ITGB5: variants seen among roughly 807,000 people sequenced by gnomAD.
The protein encoded by ITGB5 is integrin beta-5.
ITGB5 carries 38 observed loss-of-function variants against 84.8 expected under a neutral mutation model. The ratio of observed to expected loss-of-function variants is 0.45; its 90% CI spans 0.35 to 0.59. The LOEUF is 0.59. Ranked by LOEUF, ITGB5 falls within the 20% of genes least tolerant of loss-of-function variation. ITGB5 has a pLI of 0.01. For missense variants in ITGB5, 905 were observed against 1,034.5 expected, an observed-to-expected ratio of 0.87 and a Z score of 1.72; for synonymous variants, 393 against 414.4, an observed-to-expected ratio of 0.95 and a Z score of 0.63.
chr3:124,763,445 G>A lies in ITGB5; in HGVS notation c.*178C>T. ...TGGCATGGCTCTGGCCTAGCAGCCA[G>A]GTGACATGGCCAGGCACCTTCCTGT... On this transcript the variant is annotated 3_prime_UTR_variant, in exon 15 of 15. Coordinates refer to ENST00000296181, the MANE Select transcript of ITGB5 (RefSeq NM_002213.5). 1 of 502,356 alleles carries A rather than the reference G, an allele frequency of 2.0e-6. No homozygotes were observed. Among genetic ancestry groups the A allele is most frequent in the East Asian group, 3.4e-5 (1 of 29,760 alleles). The allele number at this position is 502,356 out of a possible 1,614,324, so 31.1% of individuals were successfully genotyped here.
chr3:124,854,605 G>T (rs1275237085), intron 3 of ITGB5, among the ~76,000 whole-genome samples: 1 of 152,192 alleles, frequency 6.6e-6, no homozygotes, highest in Non-Finnish European at 1.5e-5. Context: ...AAAGGGGAGG[G>T]TGGGAGACGG....
At chr3:124,811,292 C>T (rs992699626) in intron 8 of ITGB5, among the ~76,000 whole-genome samples, 3 of 152,128 alleles carry the variant, frequency 2.0e-5, no homozygotes, top group Non-Finnish European at 4.4e-5. Context: ...AATGAATAAA[C>T]GCATGGATGG....
intron 1 of ITGB5, among the ~76,000 whole-genome samples, chr3:124,877,849 T>C (rs1282957339): frequency 8.3e-6 from 1 of 120,246 alleles, no homozygotes; most frequent in East Asian, 3.5e-4. Context: ...CAAAGCCACA[T>C]AATTTTTTTT....
At position 124,796,578 on chromosome 3, in the gene ITGB5, C is replaced by T. The variant is rs772801562; in HGVS notation, c.1503G>A (p.Gln501=). 3.1e-6 allele frequency: 5 copies of T among 1,614,146 alleles called. No homozygotes were observed. Among genetic ancestry groups the T allele is most frequent in the Non-Finnish European group, 4.2e-6 (5 of 1,180,042 alleles). Residue 501 remains glutamine, a synonymous_variant, in exon 10 of 15, where the codon CAG becomes CAA. Transcript: ENST00000296181. ...GGTACACGCTCTGGTTCTCCCCATC[C>T]TGGCACTCGCACCTGGTGCCCAGGT... is the stretch of plus-strand genomic sequence containing the variant. The part of the protein sequence containing the change: ...PGYLGTRCEC[Q]DGENQSVYQN...
chr3:124,869,909 T>G (rs1447214403), intron 2 of ITGB5, among the ~76,000 whole-genome samples: 1 of 152,210 alleles, frequency 6.6e-6, no homozygotes, highest in Non-Finnish European at 1.5e-5. Flanking sequence ...TTCTGGATTT[T>G]CTAGCCACAT....
At chr3:124,846,260 A>C (rs182729456) in intron 4 of ITGB5, among the ~76,000 whole-genome samples, 9 of 152,190 alleles carry the variant, frequency 5.9e-5, no homozygotes, top group African/African-American at 2.2e-4. Flanking sequence ...GGACTTGTGG[A>C]GAGGGGAGGG....
intron 5 of ITGB5, among the ~76,000 whole-genome samples, chr3:124,829,096 T>TA (rs1208450290): frequency 1.3e-5 from 2 of 152,210 alleles, no homozygotes; most frequent in African/African-American, 4.8e-5. Context: ...AACTGTCACT[T>TA]ATATCTATAA....
At chr3:124,807,199 T>C (rs1559943827) in intron 9 of ITGB5, among the ~76,000 whole-genome samples, 3 of 152,194 alleles carry the variant, frequency 2.0e-5, no homozygotes, top group Admixed American at 6.5e-5. Flanking sequence ...AAGGATCCCT[T>C]GAGCCCAGAA....
At chr3:124,837,015 G>A (rs1318978860) in intron 5 of ITGB5, among the ~76,000 whole-genome samples, 1 of 152,204 alleles carries the variant, frequency 6.6e-6, no homozygotes, top group African/African-American at 2.4e-5. Flanking sequence ...GCATTGGGTT[G>A]CACTGATTTA....
intron 2 of ITGB5, among the ~76,000 whole-genome samples, chr3:124,868,268 T>C (rs72974538): frequency 6.6e-6 from 1 of 151,892 alleles, no homozygotes. Context: ...TGTCTTAAGC[T>C]GTGCTGTACA....
At chr3:124,811,003 C>T (rs2064492912) in intron 8 of ITGB5, among the ~76,000 whole-genome samples, 1 of 151,650 alleles carries the variant, frequency 6.6e-6, no homozygotes, top group African/African-American at 2.4e-5. Flanking sequence ...AGCAAATTAA[C>T]AGCTTGTTGA....
rs577543729 is a variant in ITGB5 at position 124,839,971 on chromosome 3, A to G, written c.780+1412T>C. The stretch of plus-strand genomic sequence containing the variant: ...GATGGGCAGAACCACAGTGGGATCA[A>G]GAGAATGGCAGATGGCTGTTGCTGC... On this transcript the variant is annotated intron_variant, in intron 5 of 14. Coordinates refer to ENST00000296181, the MANE Select transcript of ITGB5 (RefSeq NM_002213.5). Among the ~76,000 whole-genome samples, 3 of 152,376 alleles carry G rather than the reference A, an allele frequency of 2.0e-5. No individual in the cohort carries two copies. In the South Asian group the frequency reaches 6.2e-4, roughly 32 times the overall value.
At chr3:124,846,594 G>A (rs947143734) in intron 4 of ITGB5, among the ~76,000 whole-genome samples, 9 of 152,148 alleles carry the variant, frequency 5.9e-5, no homozygotes, top group African/African-American at 1.9e-4. Flanking sequence ...AAGGTAAAGT[G>A]TCTGTGTTGT....
intron 2 of ITGB5, 98 bp downstream of exon 2, chr3:124,873,348 T>C (rs1054849782): frequency 5.2e-5 from 44 of 851,406 alleles, no homozygotes; most frequent in Non-Finnish European, 7.6e-5. Flanking sequence ...ACAGGATTTT[T>C]ATGTATAGTG....
At chr3:124,890,370 A>AT (rs908176711), upstream of ITGB5, among the ~76,000 whole-genome samples, 15 of 148,678 alleles carry the variant, frequency 1.0e-4, no homozygotes, top group East Asian at 1.2e-3. Context: ...CACCTGGCTG[A>AT]TTTTTTTTTT....
At chr3:124,881,011 A>G (rs1934542029) in intron 1 of ITGB5, among the ~76,000 whole-genome samples, 2 of 151,648 alleles carry the variant, frequency 1.3e-5, no homozygotes, top group Admixed American at 6.6e-5. Flanking sequence ...TGTTTGAGAC[A>G]GAGTCTCTGT....
chr3:124,851,367 A>G (rs1363755442), intron 3 of ITGB5, among the ~76,000 whole-genome samples: 1 of 152,226 alleles, frequency 6.6e-6, no homozygotes, highest in Non-Finnish European at 1.5e-5. Context: ...CGGTTTTCCC[A>G]AAAGTCAATT....
chr3:124,871,071 T>C (rs534058165), intron 2 of ITGB5, among the ~76,000 whole-genome samples: 9 of 152,066 alleles, frequency 5.9e-5, no homozygotes, highest in Admixed American at 2.0e-4. Context: ...TTGTATTTTT[T>C]GTAGAGACGG....
intron 10 of ITGB5, among the ~76,000 whole-genome samples, chr3:124,783,591 G>T (rs915379548): frequency 6.6e-6 from 1 of 152,198 alleles, no homozygotes; most frequent in Non-Finnish European, 1.5e-5. Context: ...CTCAAACCCT[G>T]GGGGAAGACA....
Sources: allele counts gnomAD v4.1 joint callset (sites outside exome capture counted in the v4.1 genomes callset), GRCh38; gene constraint gnomAD v4.1.1; transcripts MANE v1.5; gene names NCBI Gene and HGNC (gene_info 2026-07-23, HGNC 2026-07-21).